ABCC4: variants seen among roughly 807,000 people sequenced by gnomAD.
ABCC4 encodes the protein ATP-binding cassette sub-family C member 4.
In ABCC4, 102 loss-of-function variants were observed where a neutral mutation model predicts 168.5. The ratio of observed to expected loss-of-function variants is 0.61; its 90% confidence interval spans 0.52 to 0.71. The LOEUF is 0.71. Ranked by LOEUF, ABCC4 falls within the 30% of genes least tolerant of loss-of-function variation. The pLI, the probability that ABCC4 is intolerant of heterozygous loss-of-function variation, is 0.00. For synonymous variants in ABCC4, 617 were observed against 590.7 expected, an observed-to-expected ratio of 1.04 and a Z score of -0.65; for missense variants, 1,402 against 1,605.8, an observed-to-expected ratio of 0.87 and a Z score of 2.17.
intron 13 of ABCC4, among the ~76,000 whole-genome samples, chr13:95,176,223 C>CGGGGGGGG (rs1491246023): frequency 9.5e-5 from 1 of 10,578 alleles, no homozygotes; most frequent in African/African-American, 1.5e-4. Context: ...AAGCCGAGGG[C>CGGGGGGGG]AGGGGGGGGG....
chr13:95,110,794 C>A (rs1045519805), intron 20 of ABCC4, among the ~76,000 whole-genome samples: 5 of 151,684 alleles, frequency 3.3e-5, no homozygotes, highest in Middle Eastern at 3.4e-3. Context: ...ATGGTGAAAC[C>A]CCATCTCTAC....
chr13:95,295,962 CAAA>C (rs59341854), intron 1 of ABCC4, among the ~76,000 whole-genome samples: 97 of 114,044 alleles, frequency 8.5e-4, no homozygotes, highest in Middle Eastern at 4.5e-3. Context: ...GAGACTCCGT[CAAA>C]AAAAAAAAAA....
At chr13:95,066,138 G>A (rs1189001795) in intron 25 of ABCC4, among the ~76,000 whole-genome samples, 1 of 152,218 alleles carries the variant, frequency 6.6e-6, no homozygotes, top group Admixed American at 6.5e-5. Flanking sequence ...GCTCAGAGAT[G>A]CCTAATTCTT....
intron 18 of ABCC4, among the ~76,000 whole-genome samples, chr13:95,161,967 T>C (rs946137500): frequency 6.6e-6 from 1 of 152,212 alleles, no homozygotes; most frequent in Admixed American, 6.5e-5. Flanking sequence ...AAATAAATCA[T>C]ACATTTTATT....
intron 30 of ABCC4, among the ~76,000 whole-genome samples, chr13:95,030,828 C>T (rs1171972636): frequency 6.6e-6 from 1 of 152,172 alleles, no homozygotes; most frequent in Non-Finnish European, 1.5e-5. Flanking sequence ...CTGAGCAAAC[C>T]AGTGCACCCT....
At chr13:95,116,333 A>G (rs1162535029) in intron 19 of ABCC4, among the ~76,000 whole-genome samples, 1 of 152,234 alleles carries the variant, frequency 6.6e-6, no homozygotes, top group Non-Finnish European at 1.5e-5. Flanking sequence ...ACTTCCATCC[A>G]AGTGCAAAGT....
At chr13:95,222,293 T>C (rs2039330967) in intron 4 of ABCC4, among the ~76,000 whole-genome samples, 1 of 152,242 alleles carries the variant, frequency 6.6e-6, no homozygotes, top group Admixed American at 6.5e-5. Context: ...GGCCCACTCC[T>C]CTGCCTCAGA....
intron 1 of ABCC4, among the ~76,000 whole-genome samples, chr13:95,256,116 G>T (rs1306955613): frequency 6.6e-6 from 1 of 152,168 alleles, no homozygotes; most frequent in African/African-American, 2.4e-5. Context: ...TAAGAGACAG[G>T]TTCTCACTTT....
chr13:95,270,874 T>C (rs1283818675), intron 1 of ABCC4, among the ~76,000 whole-genome samples: 3 of 152,098 alleles, frequency 2.0e-5, no homozygotes, highest in African/African-American at 4.8e-5. Flanking sequence ...GGCGAGACGA[T>C]TATAAGGTCA....
chr13:95,230,545 G>A (rs2039590513), intron 4 of ABCC4, among the ~76,000 whole-genome samples: 1 of 152,196 alleles, frequency 6.6e-6, no homozygotes, highest in Admixed American at 6.5e-5. Context: ...GGGAGGCCAA[G>A]GTGAGCAGAT....
chr13:95,141,069 C>A (rs1009822305), intron 19 of ABCC4, among the ~76,000 whole-genome samples: 1 of 152,194 alleles, frequency 6.6e-6, no homozygotes, highest in African/African-American at 2.4e-5. Context: ...CAGTCATAGA[C>A]TCTGCATCCC....
intron 19 of ABCC4, among the ~76,000 whole-genome samples, chr13:95,123,715 G>A (rs1478064140): frequency 6.6e-6 from 1 of 152,180 alleles, no homozygotes; most frequent in Non-Finnish European, 1.5e-5. Context: ...ACATGTAAGT[G>A]AGCACAGCAT....
chr13:95,294,216 C>T (rs1358293684), intron 1 of ABCC4, among the ~76,000 whole-genome samples: 1 of 151,844 alleles, frequency 6.6e-6, no homozygotes, highest in Non-Finnish European at 1.5e-5. Context: ...AAAAATTATC[C>T]GGGCGTGGTT....
intron 30 of ABCC4, among the ~76,000 whole-genome samples, chr13:95,027,314 G>C (rs1320530141): frequency 6.6e-6 from 1 of 151,836 alleles, no homozygotes; most frequent in Non-Finnish European, 1.5e-5. Context: ...CTGTACACAG[G>C]GACTTGGTAC....
intron 1 of ABCC4, among the ~76,000 whole-genome samples, chr13:95,296,643 AGGGAAAAG>A (rs2041542938): frequency 6.6e-6 from 1 of 152,156 alleles, no homozygotes; most frequent in Non-Finnish European, 1.5e-5. Context: ...GCCCATATTT[AGGGAAAAG>A]TCCTTCGTTG....
intron 21 of ABCC4, among the ~76,000 whole-genome samples, chr13:95,080,908 TC>T (rs1487591046): frequency 1.3e-5 from 2 of 152,134 alleles, no homozygotes; most frequent in African/African-American, 4.8e-5. Context: ...CAGTCAGGCA[TC>T]CTGCTTTCAG....
At chr13:95,288,783 G>C (rs948621485) in intron 1 of ABCC4, among the ~76,000 whole-genome samples, 5 of 152,104 alleles carry the variant, frequency 3.3e-5, no homozygotes, top group Non-Finnish European at 7.4e-5. Flanking sequence ...AAAAAGGATG[G>C]GGGATAAATT....
At chr13:95,274,682 T>C (rs769403874) in intron 1 of ABCC4, among the ~76,000 whole-genome samples, 1 of 152,134 alleles carries the variant, frequency 6.6e-6, no homozygotes, top group Non-Finnish European at 1.5e-5. Context: ...GGGCATGACA[T>C]GCTTCCCGTC....
intron 1 of ABCC4, among the ~76,000 whole-genome samples, chr13:95,280,572 T>TAA (rs61654581): frequency 2.3e-5 from 3 of 131,030 alleles, no homozygotes; most frequent in African/African-American, 5.8e-5. Flanking sequence ...TGCCTTCTAT[T>TAA]AAAAAAAAAA....
Sources: gnomAD v4.1 joint callset for allele counts (sites outside exome capture counted in the v4.1 genomes callset) on GRCh38, gnomAD v4.1.1 for gene constraint, MANE v1.5 for transcripts, NCBI Gene and HGNC (gene_info 2026-07-23, HGNC 2026-07-21) for gene names.